LRPPRC: variants seen among roughly 807,000 people sequenced by gnomAD.
The protein encoded by LRPPRC is leucine-rich PPR motif-containing protein, mitochondrial.
In LRPPRC, 120 loss-of-function variants were observed where a neutral mutation model predicts 180.3. That is an observed-to-expected ratio of 0.67 (90% CI 0.57 to 0.77). The LOEUF is 0.77. Among genes scored for constraint, LRPPRC ranks in the 30% least tolerant of loss-of-function variants. The pLI, the probability that LRPPRC is intolerant of heterozygous loss-of-function variation, is 0.00. For missense variants in LRPPRC, 2,012 were observed against 1,657.2 expected (o/e 1.21, Z -3.72); for synonymous variants, 723 against 600.0 (o/e 1.21, Z -3.00).
At chr2:43,928,804 C>A (rs1247546606) in intron 25 of LRPPRC, among the ~76,000 whole-genome samples, 1 of 152,004 alleles carries the variant, frequency 6.6e-6, no homozygotes, top group East Asian at 1.9e-4. Flanking sequence ...AACCCAAGTA[C>A]CGTCCAAGTA....
At position 43,946,201 on chromosome 2, in the gene LRPPRC, C is replaced by T. The variant is rs1158095880; in HGVS notation, c.2122G>A (p.Asp708Asn). Reference sequence around the variant, plus strand: ...GCTGCATAGCCACCAGTAACCATGTCGGATTCATATTTTGCTTTCAATTCA... The same window carrying T: ...GCTGCATAGCCACCAGTAACCATGTTGGATTCATATTTTGCTTTCAATTCA... ...ALELKAKYES[D>N]MVTGGYAALI... Residue 708 changes from aspartate (D) to asparagine (N), a missense_variant, in exon 21 of 38, where the codon GAC becomes AAC. Coordinates refer to ENST00000260665, the MANE Select transcript of LRPPRC (RefSeq NM_133259.4). 21 of 1,611,094 alleles carry T rather than the reference C, an allele frequency of 1.3e-5. No individual in the cohort carries two copies. The highest frequency in any genetic ancestry group is 8.9e-5 in the East Asian group (4 of 44,776).
In LRPPRC at chr2:43,977,164, T is replaced by G. The variant is rs148494289; in HGVS notation, c.582A>C (p.Gln194His). 4.3e-6 allele frequency: 7 copies of G among 1,611,834 alleles called. No individual in the cohort carries two copies. In the African/African-American group the frequency reaches 8.0e-5, roughly 18 times the overall value. ...AATAGCAACTACTTACTCGATTTGGTTGAATGTTTGCTTCCTCCATTTTTG... is the reference window on the plus strand; with the variant it reads ...AATAGCAACTACTTACTCGATTTGGGTGAATGTTTGCTTCCTCCATTTTTG... ...FLAKMEEANI[Q>H]PNRVTYQRLI... Residue 194 changes from glutamine to histidine, a missense_variant, in exon 4 of 38, where the codon CAA (glutamine) becomes CAC (histidine). By Grantham distance (24) the Gln-to-His change is conservative. Transcript: ENST00000260665.
intron 13 of LRPPRC, 95 bp downstream of exon 13, chr2:43,960,446 C>A (rs1020178470): frequency 4.0e-5 from 31 of 775,822 alleles, no homozygotes; most frequent in South Asian, 3.1e-4. Flanking sequence ...AACATATAAA[C>A]CTTCCTTGCT....
At chr2:43,995,733 C>A in intron 1 of LRPPRC, 66 bp downstream of exon 1, 1 of 1,325,348 alleles carries the variant, frequency 7.5e-7, no homozygotes, top group Non-Finnish European at 9.6e-7. Flanking sequence ...CGGTCCCTGC[C>A]GGCACCCACG....
intron 30 of LRPPRC, among the ~76,000 whole-genome samples, chr2:43,910,801 A>C (rs1671228720): frequency 6.6e-6 from 1 of 152,170 alleles, no homozygotes; most frequent in Non-Finnish European, 1.5e-5. Context: ...TTCTAGAAGA[A>C]ACCCAATGAA....
chr2:43,958,792 G>A (rs1382956976), intron 13 of LRPPRC, among the ~76,000 whole-genome samples: 4 of 152,122 alleles, frequency 2.6e-5, no homozygotes, highest in African/African-American at 9.7e-5. Flanking sequence ...ATTCCTAAGA[G>A]CTGCCTGAAG....
chr2:43,925,542 C>T (rs1244088685), intron 26 of LRPPRC, among the ~76,000 whole-genome samples: 1 of 152,078 alleles, frequency 6.6e-6, no homozygotes, highest in Non-Finnish European at 1.5e-5. Flanking sequence ...TGGCATGGTG[C>T]AAACAGGTAC....
intron 14 of LRPPRC, among the ~76,000 whole-genome samples, chr2:43,956,478 C>CGTGTGT (rs56919652): frequency 0.046 from 6,582 of 142,484 alleles, 208 homozygotes; most frequent in African/African-American, 0.087. Flanking sequence ...AAGAAAAAAA[C>CGTGTGT]GTGTGTGTGT....
chr2:43,941,720 T>C (rs576020339), intron 23 of LRPPRC, among the ~76,000 whole-genome samples: 1 of 151,800 alleles, frequency 6.6e-6, no homozygotes, highest in South Asian at 2.1e-4. Flanking sequence ...TTCATAAATA[T>C]AAAATTTCCT....
At position 43,976,169 on chromosome 2, in the gene LRPPRC, G is replaced by T. The variant is rs1382149686; in HGVS notation, c.711C>A (p.Ala237=). The T allele has an allele frequency of 1.2e-6, 2 of 1,611,934 alleles. No homozygotes were observed. The highest frequency in any genetic ancestry group is 4.5e-5 in the East Asian group (2 of 44,850). The part of the protein sequence containing the change: ...DLPVTEAVFS[A]LVTGHARAGD... Reference sequence around the variant, plus strand: ...CAGCTCTGGCATGCCCTGTCACAAGGGCACTGAATACTGCCTCTGTAACTG... The same window carrying T: ...CAGCTCTGGCATGCCCTGTCACAAGTGCACTGAATACTGCCTCTGTAACTG... The change falls in exon 6 of 38, where the codon GCC becomes GCA. Residue 237 remains alanine, a synonymous_variant. Transcript: ENST00000260665.
intron 1 of LRPPRC, 43 bp downstream of exon 1, chr2:43,995,756 C>T: frequency 2.2e-6 from 3 of 1,347,670 alleles, no homozygotes; most frequent in Non-Finnish European, 2.8e-6. Context: ...CCCGGGGGAC[C>T]CTGGCGCCGC....
rs757755220 is a variant in LRPPRC, at chr2:43,899,454, C to T, written c.3709+12G>A. 1 of 1,614,110 alleles carries T rather than the reference C, an allele frequency of 6.2e-7. No homozygotes were observed. Among genetic ancestry groups the T allele is most frequent in the South Asian group, 1.1e-5 (1 of 91,080 alleles). On this transcript the variant is annotated intron_variant, in intron 33 of 37. Coordinates refer to ENST00000260665, the MANE Select transcript of LRPPRC (RefSeq NM_133259.4). ...GTGCTTGTGTGTTCTTTAGCACAAA[C>T]AACTAACTTACTCTTTTCAACTGCT...
rs539058777 is a variant in LRPPRC, at chr2:43,948,224, A to G, written c.1843-25T>C. On this transcript the variant is annotated intron_variant, in intron 17 of 37. Coordinates refer to ENST00000260665, the MANE Select transcript of LRPPRC (RefSeq NM_133259.4). ...TCTGTGAGAAGGGAAGGGAGGGGGG[A>G]AAAAACCTGAGTTTTAGACAACCAA... 154 of 1,312,744 alleles carry G rather than the reference A, an allele frequency of 1.2e-4. 3 individuals are homozygous for G. In the South Asian group the frequency reaches 1.8e-3, roughly 15 times the overall value. 81.3% of individuals were successfully genotyped at this position (1,312,744 alleles called of 1,614,324 possible).
At chr2:43,956,261 T>G (rs1228414963) in intron 14 of LRPPRC, among the ~76,000 whole-genome samples, 6 of 152,120 alleles carry the variant, frequency 3.9e-5, no homozygotes, top group African/African-American at 1.4e-4. Context: ...GACTCCTCAG[T>G]CAAAAAGTGA....
chr2:43,923,296 T>C (rs966863723), intron 27 of LRPPRC, among the ~76,000 whole-genome samples: 21 of 150,142 alleles, frequency 1.4e-4, no homozygotes, highest in East Asian at 5.9e-4. Context: ...CTGGGCAACA[T>C]AGTGGGACCC....
At chr2:43,912,391 CTTTTT>C in intron 30 of LRPPRC, 36 bp downstream of exon 30, 1 of 1,581,732 alleles carries the variant, frequency 6.3e-7, no homozygotes, top group Non-Finnish European at 8.7e-7. Flanking sequence ...AGCCAATATT[CTTTTT>C]TAAACAAGAG....
rs3839036 is a variant in LRPPRC at position 43,896,533 on chromosome 2, TC to T, written c.3900+100del. ...AAAGTCTTGAATCTCTATAGTATTC[TC>T]AAATAAGGTCCTGAAACAACAGGCT... On this transcript the variant is annotated intron_variant, in intron 35 of 37. Transcript: ENST00000260665. 371,169 of 805,538 alleles carry T rather than the reference TC, an allele frequency of 0.46. 93,109 individuals carry two copies. Among genetic ancestry groups the T allele is most frequent in the East Asian group, 0.92 (35,915 of 39,184 alleles). The allele number at this position is 805,538 out of a possible 1,614,324, so 49.9% of individuals were successfully genotyped here.
In LRPPRC at chr2:43,888,637, G is replaced by A; in HGVS notation, c.4148C>T (p.Ala1383Val). ...IEPPESFEFY[A>V]QQLRKLRENS... Reference sequence around the variant, plus strand: ...TTCCCTCAATTTTCTTAGCTGCTGTGCATAAAATTCAAAGCTTTCCTGTTA... The same window carrying A: ...TTCCCTCAATTTTCTTAGCTGCTGTACATAAAATTCAAAGCTTTCCTGTTA... The change falls in exon 38 of 38, where the codon GCA becomes GTA. Residue 1383 changes from alanine (A) to valine (V), a missense_variant. Physicochemically the swap from Ala to Val is moderately conservative, Grantham distance 64. Transcript: ENST00000260665. The A allele has an allele frequency of 1.9e-6, 3 of 1,600,478 alleles. No homozygotes were observed. The highest frequency in any genetic ancestry group is 2.6e-6 in the Non-Finnish European group (3 of 1,167,824).
chr2:43,914,475 C>A (rs1033842640), intron 29 of LRPPRC, among the ~76,000 whole-genome samples: 7 of 152,172 alleles, frequency 4.6e-5, no homozygotes, highest in South Asian at 2.1e-4. Context: ...TGCCTGTAAT[C>A]CCAGCACTTT....
Sources: allele counts gnomAD v4.1 joint callset (sites outside exome capture counted in the v4.1 genomes callset), GRCh38; gene constraint gnomAD v4.1.1; transcripts MANE v1.5; gene names NCBI Gene and HGNC (gene_info 2026-07-23, HGNC 2026-07-21).